Variants in USP7 observed in about 807,000 individuals in gnomAD.
USP7 encodes the protein ubiquitin C-terminal hydrolase 7.
USP7 carries 9 observed loss-of-function variants against 162.9 expected under a neutral mutation model. The ratio of observed to expected loss-of-function variants is 0.06; its 90% CI spans 0.03 to 0.10. The LOEUF (loss-of-function observed/expected upper bound fraction) is 0.10. Ranked by LOEUF, USP7 falls within the 10% of genes least tolerant of loss-of-function variation. The pLI is 1.00. For synonymous variants in USP7, 562 were observed against 475.9 expected (o/e 1.18, Z -2.35); for missense variants, 715 against 1,373.7 (o/e 0.52, Z 7.58).
At chr16:8,905,123 A>G in intron 14 of USP7, 64 bp downstream of exon 14, 24 of 1,564,262 alleles carry the variant, frequency 1.5e-5, no homozygotes, top group Non-Finnish European at 2.1e-5. Context: ...GATATTGGAG[A>G]TTCATGGTAC....
At chr16:8,947,465 C>G (rs1308519891) in intron 1 of USP7, among the ~76,000 whole-genome samples, 1 of 152,080 alleles carries the variant, frequency 6.6e-6, no homozygotes, top group Non-Finnish European at 1.5e-5. Flanking sequence ...TATCCCACAT[C>G]AGCCTCCTGA....
intron 1 of USP7, among the ~76,000 whole-genome samples, chr16:8,946,670 A>C (rs993472762): frequency 2.6e-5 from 4 of 152,200 alleles, no homozygotes; most frequent in African/African-American, 9.7e-5. Flanking sequence ...GCACACCTCC[A>C]ATAATCTGGT....
intron 1 of USP7, among the ~76,000 whole-genome samples, chr16:8,952,095 A>C (rs868481143): frequency 2.3e-4 from 35 of 152,196 alleles, no homozygotes; most frequent in Middle Eastern, 6.8e-3. Context: ...TCTATACAAA[A>C]AAGAAAAAAA....
At chr16:8,909,142 GC>G (rs2141187306) in intron 11 of USP7, among the ~76,000 whole-genome samples, 1 of 152,316 alleles carries the variant, frequency 6.6e-6, no homozygotes, top group East Asian at 1.9e-4. Flanking sequence ...CTAAGCTCTT[GC>G]CCTGCTCTAT....
intron 10 of USP7, among the ~76,000 whole-genome samples, chr16:8,914,471 C>G (rs1016375277): frequency 6.6e-6 from 1 of 152,188 alleles, no homozygotes; most frequent in East Asian, 1.9e-4. Flanking sequence ...GCCTAACCAC[C>G]TCAAATGGAG....
intron 1 of USP7, among the ~76,000 whole-genome samples, chr16:8,930,915 G>C (rs894265321): frequency 3.3e-5 from 5 of 151,100 alleles, no homozygotes; most frequent in Admixed American, 6.6e-5. Flanking sequence ...GCTGCAGTGA[G>C]CCAAGATCAT....
chr16:8,959,995 G>C (rs191123819), intron 1 of USP7, among the ~76,000 whole-genome samples: 1 of 152,184 alleles, frequency 6.6e-6, no homozygotes, highest in Non-Finnish European at 1.5e-5. Context: ...GAAAAAAACA[G>C]TTTGTATGCA....
intron 4 of USP7, 145 bp downstream of exon 4, chr16:8,921,012 G>T: frequency 1.1e-6 from 1 of 944,418 alleles, no homozygotes; most frequent in African/African-American, 1.7e-5. Flanking sequence ...CGAAACTGGA[G>T]AAAACATGTT....
chr16:8,898,636 A>G lies in USP7; in HGVS notation c.2535T>C (p.Tyr845=), dbSNP rs145700538. Residue 845 remains tyrosine (Y), a synonymous_variant, in exon 24 of 31, where the codon TAT becomes TAC. Transcript: ENST00000344836. ...MLLQFFKSQG[Y]RDGPGNPLRH... ...TAAGAGGATTACCTGGGCCATCCCTATAACTACACAAGAAAACAGCATATA... is the reference window on the plus strand; with the variant it reads ...TAAGAGGATTACCTGGGCCATCCCTGTAACTACACAAGAAAACAGCATATA... The G allele has an allele frequency of 7.0e-6, 11 of 1,581,842 alleles. No homozygotes were observed. The highest frequency in any genetic ancestry group is 2.7e-5 in the African/African-American group (2 of 72,998).
intron 1 of USP7, among the ~76,000 whole-genome samples, chr16:8,961,975 G>C (rs1900034467): frequency 6.6e-6 from 1 of 152,148 alleles, no homozygotes; most frequent in Non-Finnish European, 1.5e-5. Context: ...CAGCCACTTT[G>C]TCATTTGCAA....
Position 8,893,841 on chromosome 16 carries a change from A to G in USP7, c.*157T>C. 1 of 651,402 alleles carries G rather than the reference A, an allele frequency of 1.5e-6. No homozygotes were observed. The highest frequency in any genetic ancestry group is 2.7e-6 in the Non-Finnish European group (1 of 368,656). The allele number at this position is 651,402 out of a possible 1,614,324, so 40.4% of individuals were successfully genotyped here. A position where few individuals can be genotyped will look rare whatever the true frequency, so the allele number is the denominator to read the frequency against. ...CTCAAAAAGGGCAGTCAATAGATACAGAGAAGCCAAACTGAACAGCCTCAA... is the reference window on the plus strand; with the variant it reads ...CTCAAAAAGGGCAGTCAATAGATACGGAGAAGCCAAACTGAACAGCCTCAA... On this transcript the variant is annotated 3_prime_UTR_variant, in exon 31 of 31. Coordinates refer to ENST00000344836, the MANE Select transcript of USP7 (RefSeq NM_003470.3).
intron 1 of USP7, among the ~76,000 whole-genome samples, chr16:8,933,344 C>T (rs1397391614): frequency 2.6e-5 from 4 of 151,930 alleles, no homozygotes; most frequent in Admixed American, 1.3e-4. Flanking sequence ...TCAAGGAGTC[C>T]GAGACCAACA....
Position 8,893,679 on chromosome 16 carries a change from A to C in USP7, c.*319T>G, listed in dbSNP as rs1462993361. 1 of 296,512 alleles carries C rather than the reference A, an allele frequency of 3.4e-6. No individual in the cohort carries two copies. The highest frequency in any genetic ancestry group is 2.1e-5 in the African/African-American group (1 of 46,726). 18.4% of individuals were successfully genotyped at this position (296,512 alleles called of 1,614,324 possible). On this transcript the variant is annotated 3_prime_UTR_variant, in exon 31 of 31. Coordinates refer to ENST00000344836, the MANE Select transcript of USP7 (RefSeq NM_003470.3). ...CGAGCCACTCGTGCCCACTAGGGAC[A>C]GCCCAGAGACCTTGAGCCAGGGACC...
chr16:8,906,566 G>T lies in USP7; in HGVS notation c.1288C>A (p.Gln430Lys). ...KINDRFEFPE[Q>K]LPLDEFLQKT... ...TGCAAAAATTCATCAAGTGGTAACT[G>T]CTCTGGGAATTCAAACCTATTAGAA... The change falls in exon 13 of 31, where the codon CAG (glutamine) becomes AAG (lysine). Residue 430 changes from glutamine to lysine, a missense_variant. Around this residue, in one of 11 missense-constraint regions of USP7, gnomAD observed 31 missense variants for 135.9 expected, o/e 0.23. Coordinates refer to ENST00000344836, the MANE Select transcript of USP7 (RefSeq NM_003470.3). 2 of 1,611,970 alleles carry T rather than the reference G, an allele frequency of 1.2e-6. No homozygotes were observed. Among genetic ancestry groups the T allele is most frequent in the Non-Finnish European group, 1.7e-6 (2 of 1,179,552 alleles).
chr16:8,897,726 A>AAAAAAAAATATATATATATAT (rs1555461671), intron 25 of USP7, among the ~76,000 whole-genome samples: 1 of 7,138 alleles, frequency 1.4e-4, no homozygotes, highest in African/African-American at 5.6e-4. Flanking sequence ...AAAAAAAAAA[A>AAAAAAAAATATATATATATAT]ATATATATAT....
At chr16:8,915,397 C>G in intron 9 of USP7, 48 bp downstream of exon 9, 1 of 1,612,742 alleles carries the variant, frequency 6.2e-7, no homozygotes, top group Non-Finnish European at 8.5e-7. Flanking sequence ...AAAAAATTCA[C>G]ATTCTAAAAC....
At chr16:8,925,833 A>G (rs1897955834) in intron 2 of USP7, among the ~76,000 whole-genome samples, 1 of 152,210 alleles carries the variant, frequency 6.6e-6, no homozygotes, top group Non-Finnish European at 1.5e-5. Flanking sequence ...CACTTCCTGA[A>G]AACTCTTCAT....
In USP7 at chr16:8,963,810, C is replaced by T. The variant is rs1354552808; in HGVS notation, c.-525G>A. Among the ~76,000 whole-genome samples the T allele has an allele frequency of 1.4e-5, 2 of 146,378 alleles. No individual in the cohort carries two copies. Among genetic ancestry groups the T allele is most frequent in the East Asian group, 2.0e-4 (1 of 5,032 alleles). The stretch of plus-strand genomic sequence containing the variant: ...GGCCGCGTTCCGAGAGCCGCGGCCT[C>T]CGCCTCCTCGGCGTCGTCGTCGGGG... On this transcript the variant is annotated 5_prime_UTR_variant, in exon 1 of 31. Coordinates refer to ENST00000344836, the MANE Select transcript of USP7 (RefSeq NM_003470.3).
intron 18 of USP7, 97 bp downstream of exon 18, chr16:8,901,985 G>T: frequency 1.0e-6 from 1 of 997,446 alleles, no homozygotes; most frequent in Non-Finnish European, 1.5e-6. Flanking sequence ...ACATCTTTCT[G>T]CAAGGGAAGA....
Sources: gnomAD v4.1 joint callset for allele counts (sites outside exome capture counted in the v4.1 genomes callset) on GRCh38, gnomAD v4.1.1 for gene constraint, gnomAD v4.1.1 regional missense constraint, MANE v1.5 for transcripts, NCBI Gene and HGNC (gene_info 2026-07-23, HGNC 2026-07-21) for gene names.